Variants in EPHA7 observed in about 807,000 individuals in gnomAD.
The protein encoded by EPHA7 is ephrin type-A receptor 7.
EPHA7 carries 25 observed loss-of-function variants against 112.6 expected under a neutral mutation model. The observed-to-expected ratio is 0.22, with a 90% confidence interval of 0.16 to 0.31. The LOEUF (loss-of-function observed/expected upper bound fraction) is 0.31, where lower values mean the gene tolerates loss of function less well. Ranked by LOEUF, EPHA7 falls within the 10% of genes least tolerant of loss-of-function variation. The probability of loss-of-function intolerance (pLI) is 1.00; values close to 1 mark genes in which losing one functional copy is unlikely to be tolerated. For synonymous variants in EPHA7, 437 were observed against 406.5 expected (o/e 1.07, Z -0.90); for missense variants, 962 against 1,212.6 (o/e 0.79, Z 3.07).
intron 14 of EPHA7, among the ~76,000 whole-genome samples, chr6:93,250,824 G>A (rs952588998): frequency 1.3e-5 from 2 of 152,076 alleles, no homozygotes; most frequent in South Asian, 4.1e-4. Flanking sequence ...ATAGTTCCCA[G>A]AGGAACCAGA....
intron 5 of EPHA7, among the ~76,000 whole-genome samples, chr6:93,298,068 T>C (rs1265007928): frequency 6.6e-6 from 1 of 152,108 alleles, no homozygotes; most frequent in Admixed American, 6.6e-5. Context: ...CTATGATAAG[T>C]AAAACAATGC....
chr6:93,269,531 T>G lies in EPHA7; in HGVS notation c.1579A>C (p.Ser527Arg). The change falls in exon 7 of 17, where the codon AGT (serine) becomes CGT (arginine). Residue 527 changes from serine to arginine, a missense_variant. Around this residue, in one of 3 missense-constraint regions of EPHA7, gnomAD observed 746 missense variants for 889.2 expected, o/e 0.84. Transcript: ENST00000369303. ...AGTGTAGCAACATCAAGTCTGGGAC[T>G]GTAATTTCCATAACCAGCAGCAGTA... ...AFTAAGYGNY[S>R]PRLDVATLEE... 6.2e-7 allele frequency: 1 copy of G among 1,611,298 alleles called. No homozygotes were observed. Among genetic ancestry groups the G allele is most frequent in the South Asian group, 1.1e-5 (1 of 90,998 alleles).
intron 5 of EPHA7, among the ~76,000 whole-genome samples, chr6:93,334,378 C>T (rs1239412056): frequency 6.6e-6 from 1 of 151,540 alleles, no homozygotes; most frequent in East Asian, 1.9e-4. Flanking sequence ...GCAACTGCAA[C>T]AAAAAAATTG....
intron 3 of EPHA7, among the ~76,000 whole-genome samples, chr6:93,379,373 T>G (rs531460444): frequency 6.6e-6 from 1 of 152,084 alleles, no homozygotes; most frequent in African/African-American, 2.4e-5. Context: ...AAATTATAGT[T>G]GGGCATTTTG....
At chr6:93,386,316 C>A (rs570318745) in intron 3 of EPHA7, among the ~76,000 whole-genome samples, 1 of 152,272 alleles carries the variant, frequency 6.6e-6, no homozygotes, top group South Asian at 2.1e-4. Flanking sequence ...GGTTAATAAA[C>A]CCATTCCAAA....
chr6:93,417,929 G>A lies in EPHA7; in HGVS notation c.97+1316C>T, dbSNP rs182168183. On this transcript the variant is annotated intron_variant, in intron 1 of 16. Transcript: ENST00000369303. ...CGCCGGGTTTGAGGGGGGCTTGAGCGAACTAAGAGGAGTGCACGATGAGAA... is the reference window on the plus strand; with the variant it reads ...CGCCGGGTTTGAGGGGGGCTTGAGCAAACTAAGAGGAGTGCACGATGAGAA... 2.7e-3 allele frequency among the ~76,000 whole-genome samples: 403 copies of A among 152,036 alleles called. 2 individuals are homozygous for A. Among genetic ancestry groups the A allele is most frequent in the African/African-American group, 9.3e-3 (385 of 41,448 alleles).
At chr6:93,350,574 C>T (rs967535906) in intron 5 of EPHA7, among the ~76,000 whole-genome samples, 3 of 151,962 alleles carry the variant, frequency 2.0e-5, no homozygotes, top group African/African-American at 7.2e-5. Context: ...CATCCATACA[C>T]AACAAAATTG....
At chr6:93,330,684 C>T (rs117672359) in intron 5 of EPHA7, among the ~76,000 whole-genome samples, 2,019 of 151,280 alleles carry the variant, frequency 0.013, 16 homozygotes, top group Middle Eastern at 0.058. Flanking sequence ...ATCTATTGAC[C>T]TGTTGATCGA....
intron 3 of EPHA7, among the ~76,000 whole-genome samples, chr6:93,363,040 T>C (rs897254793): frequency 3.3e-5 from 5 of 152,118 alleles, no homozygotes; most frequent in Non-Finnish European, 7.4e-5. Flanking sequence ...TCAGACATAC[T>C]TCACACCATC....
At chr6:93,394,133 C>G (rs1324507975) in intron 3 of EPHA7, among the ~76,000 whole-genome samples, 2 of 151,772 alleles carry the variant, frequency 1.3e-5, no homozygotes, top group Non-Finnish European at 2.9e-5. Context: ...AATCCACCAC[C>G]ACAACCACCA....
chr6:93,287,560 G>T (rs1279736361), intron 5 of EPHA7, among the ~76,000 whole-genome samples: 3 of 151,030 alleles, frequency 2.0e-5, no homozygotes, highest in Non-Finnish European at 4.4e-5. Flanking sequence ...TTAGTTCAAG[G>T]GTACCTGTGC....
At chr6:93,291,612 C>CA (rs545151819) in intron 5 of EPHA7, among the ~76,000 whole-genome samples, 2 of 149,656 alleles carry the variant, frequency 1.3e-5, no homozygotes, top group East Asian at 2.0e-4. Flanking sequence ...ACTAAAAATA[C>CA]AAAAAATTAG....
chr6:93,299,128 C>T (rs150275472), intron 5 of EPHA7, among the ~76,000 whole-genome samples: 3,663 of 151,974 alleles, frequency 0.024, 72 homozygotes, highest in Admixed American at 0.061. Flanking sequence ...AGATCGAGAC[C>T]ATCCTGGCTA....
intron 2 of EPHA7, among the ~76,000 whole-genome samples, chr6:93,411,634 C>A (rs1048342104): frequency 6.6e-6 from 1 of 151,972 alleles, no homozygotes; most frequent in African/African-American, 2.4e-5. Context: ...AAAATGCCCA[C>A]GGTATTCTGA....
intron 5 of EPHA7, among the ~76,000 whole-genome samples, chr6:93,341,440 CATT>C (rs1196093286): frequency 6.6e-6 from 1 of 151,558 alleles, no homozygotes; most frequent in African/African-American, 2.4e-5. Flanking sequence ...TGACCTTTGA[CATT>C]AATCAGTTTC....
chr6:93,393,449 C>T lies in EPHA7; in HGVS notation c.832+17052G>A, dbSNP rs985273002. On this transcript the variant is annotated intron_variant, in intron 3 of 16. Transcript: ENST00000369303. ...CTTAGAAGTTTCCATCCAAAAAAAA[C>T]GCCTCTCAGATTAAACTAAGAGGTC... Among the ~76,000 whole-genome samples, 3 of 151,820 alleles carry T rather than the reference C, an allele frequency of 2.0e-5. No homozygotes were observed. The Admixed American group carries it at 2.0e-4, about 10-fold the overall frequency.
chr6:93,400,012 G>T (rs1209488114), intron 3 of EPHA7, among the ~76,000 whole-genome samples: 2 of 152,102 alleles, frequency 1.3e-5, no homozygotes, highest in Admixed American at 6.6e-5. Flanking sequence ...AATGCCCAAA[G>T]AACTTTTGTG....
chr6:93,410,304 A>G lies in EPHA7; in HGVS notation c.832+197T>C, dbSNP rs923823869. 3 of 585,356 alleles carry G rather than the reference A, an allele frequency of 5.1e-6. No homozygotes were observed. The highest frequency in any genetic ancestry group is 3.7e-5 in the African/African-American group (2 of 53,558). 36.3% of individuals were successfully genotyped at this position (585,356 alleles called of 1,614,324 possible). A position where few individuals can be genotyped will look rare whatever the true frequency, so the allele number is the denominator to read the frequency against. ...TTAGTAACAAATTTCATTATCACCTATATTGATTACATACACTTAGTGCAG... is the reference window on the plus strand; with the variant it reads ...TTAGTAACAAATTTCATTATCACCTGTATTGATTACATACACTTAGTGCAG... On this transcript the variant is annotated intron_variant, in intron 3 of 16. Coordinates refer to ENST00000369303, the MANE Select transcript of EPHA7 (RefSeq NM_004440.4). The surrounding 1 kb of genome is among the most constrained non-coding windows in gnomAD (Gnocchi z 4.0).
intron 5 of EPHA7, among the ~76,000 whole-genome samples, chr6:93,347,976 G>T (rs1347911950): frequency 6.6e-6 from 1 of 151,778 alleles, no homozygotes; most frequent in Admixed American, 6.6e-5. Flanking sequence ...GCATTAAATT[G>T]GAAATATGAG....
Sources: allele counts gnomAD v4.1 joint callset (sites outside exome capture counted in the v4.1 genomes callset), GRCh38; gene constraint gnomAD v4.1.1; regional missense constraint gnomAD v4.1.1; non-coding constraint Gnocchi (gnomAD v3.1); transcripts MANE v1.5; gene names NCBI Gene and HGNC (gene_info 2026-07-23, HGNC 2026-07-21).